Variants in BCKDHB observed in about 807,000 individuals in gnomAD.
BCKDHB encodes the protein branched chain keto acid dehydrogenase E1 subunit beta.
BCKDHB carries 41 observed loss-of-function variants against 48.5 expected under a neutral mutation model. The observed-to-expected ratio is 0.85, with a 90% CI of 0.66 to 1.10. The LOEUF (loss-of-function observed/expected upper bound fraction) is 1.10, where lower values mean the gene tolerates loss of function less well. Ranked by LOEUF, BCKDHB falls within the 50% of genes least tolerant of loss-of-function variation. BCKDHB has a pLI of 0.00. For missense variants in BCKDHB, 496 were observed against 494.2 expected (o/e 1.00, Z -0.03); for synonymous variants, 201 against 174.8 (o/e 1.15, Z -1.18).
chr6:80,149,186 A>T (rs542637433), intron 3 of BCKDHB, among the ~76,000 whole-genome samples: 128 of 152,080 alleles, frequency 8.4e-4, no homozygotes, highest in African/African-American at 2.9e-3. Flanking sequence ...TTCTCAAAAG[A>T]AGACATTTAT....
chr6:80,217,294 T>C (rs1775218514), intron 8 of BCKDHB, among the ~76,000 whole-genome samples: 1 of 152,132 alleles, frequency 6.6e-6, no homozygotes. Context: ...TTACCAGCCA[T>C]GAATAGTCAA....
intron 9 of BCKDHB, among the ~76,000 whole-genome samples, chr6:80,300,339 A>G (rs1187637084): frequency 6.6e-6 from 1 of 152,194 alleles, no homozygotes; most frequent in African/African-American, 2.4e-5. Context: ...GATGTGAACC[A>G]CCATACCTGG....
chr6:80,374,781 G>A, the BCKDHB span, among the ~76,000 whole-genome samples: 1 of 152,062 alleles, frequency 6.6e-6, no homozygotes, highest in African/African-American at 2.4e-5. Context: ...TTTATTTTGT[G>A]TATTTCAAAG....
Position 80,303,150 on chromosome 6 carries a change from G to A in BCKDHB, c.1038+29929G>A, listed in dbSNP as rs189815949. ...TGTATTGTATGGCTTCAGTTAGTTG[G>A]ATTTACGTAATCTTTTATTTTTTAA... On this transcript the variant is annotated intron_variant, in intron 9 of 9. Coordinates refer to ENST00000320393, the MANE Select transcript of BCKDHB (RefSeq NM_183050.4). 1.3e-3 allele frequency among the ~76,000 whole-genome samples: 195 copies of A among 152,008 alleles called. 1 individual carries two copies. Among genetic ancestry groups the A allele is most frequent in the Middle Eastern group, 3.4e-3 (1 of 294 alleles).
chr6:80,354,394 A>AT, the BCKDHB span, among the ~76,000 whole-genome samples: 2 of 151,872 alleles, frequency 1.3e-5, no homozygotes, highest in African/African-American at 4.8e-5. Flanking sequence ...TGCCCAGCTA[A>AT]TTTTTTTGTA....
chr6:80,268,863 T>C (rs1165743632), intron 8 of BCKDHB, among the ~76,000 whole-genome samples: 5 of 152,122 alleles, frequency 3.3e-5, no homozygotes. Context: ...AGCTCTCTTA[T>C]TACCACAAAT....
chr6:80,133,952 C>T (rs554847079), intron 3 of BCKDHB, among the ~76,000 whole-genome samples: 1 of 152,194 alleles, frequency 6.6e-6, no homozygotes, highest in South Asian at 2.1e-4. Flanking sequence ...GTCACACATG[C>T]TTTCATTCAT....
chr6:80,398,654 G>T, the BCKDHB span, among the ~76,000 whole-genome samples: 3 of 150,630 alleles, frequency 2.0e-5, no homozygotes, highest in African/African-American at 7.4e-5. Context: ...AATTCTACCA[G>T]ATGTACAACA....
intron 3 of BCKDHB, among the ~76,000 whole-genome samples, chr6:80,132,509 C>T (rs1025442691): frequency 6.6e-6 from 1 of 152,170 alleles, no homozygotes; most frequent in African/African-American, 2.4e-5. Context: ...TTAGGTTGGT[C>T]TGATTTTATT....
At chr6:80,163,573 A>C (rs1342280841) in intron 3 of BCKDHB, among the ~76,000 whole-genome samples, 1 of 152,090 alleles carries the variant, frequency 6.6e-6, no homozygotes, top group South Asian at 2.1e-4. Flanking sequence ...CCAGGCTACA[A>C]TCTTAGATCT....
chr6:80,373,278 G>A, the BCKDHB span, among the ~76,000 whole-genome samples: 1 of 152,018 alleles, frequency 6.6e-6, no homozygotes, highest in South Asian at 2.1e-4. Flanking sequence ...GTACTTCTGT[G>A]GTTTCGGTTG....
chr6:80,273,039 A>AT, intron 8 of BCKDHB, 96 bp from the exon 9 acceptor site: 1 of 887,664 alleles, frequency 1.1e-6, no homozygotes. Context: ...TATTTATTGA[A>AT]TGTATATAAT....
At chr6:80,362,650 A>G in the BCKDHB span, among the ~76,000 whole-genome samples, 7 of 152,282 alleles carry the variant, frequency 4.6e-5, no homozygotes, top group Admixed American at 3.3e-4. Flanking sequence ...TCTTGAGTAG[A>G]CTCACTCTGT....
the BCKDHB span, among the ~76,000 whole-genome samples, chr6:80,406,738 T>C: frequency 5.3e-5 from 8 of 152,228 alleles, no homozygotes; most frequent in Non-Finnish European, 8.8e-5. Flanking sequence ...TTAAGTTCTT[T>C]GTAGATTCTG....
the BCKDHB span, among the ~76,000 whole-genome samples, chr6:80,464,420 C>A: frequency 6.6e-6 from 1 of 152,078 alleles, no homozygotes; most frequent in African/African-American, 2.4e-5. Context: ...AGCCACTGCA[C>A]CCAGCCTCAT....
At chr6:80,440,821 T>C in the BCKDHB span, 1 of 152,148 alleles carries the variant, frequency 6.6e-6, no homozygotes, top group African/African-American at 2.4e-5. Flanking sequence ...TCCCAATCTT[T>C]CTTTAGGAGA....
the BCKDHB span, among the ~76,000 whole-genome samples, chr6:80,364,709 A>G: frequency 6.6e-6 from 1 of 152,128 alleles, no homozygotes; most frequent in Non-Finnish European, 1.5e-5. Flanking sequence ...GACTGTAAAA[A>G]CAGACTCATG....
In BCKDHB at chr6:80,254,782, G is replaced by T. The variant is rs546015750; in HGVS notation, c.952-18353G>T. ...GGAATGCCAGAAATCCCCAGAAACT[G>T]AGAGAATCATAGATGATTTCCCTCT... On this transcript the variant is annotated intron_variant, in intron 8 of 9. Transcript: ENST00000320393. Among the ~76,000 whole-genome samples, 5 of 152,276 alleles carry T rather than the reference G, an allele frequency of 3.3e-5. No individual in the cohort carries two copies. The South Asian group carries it at 1.0e-3, about 32-fold the overall frequency.
intron 8 of BCKDHB, among the ~76,000 whole-genome samples, chr6:80,248,323 A>T (rs1776697048): frequency 1.3e-5 from 2 of 152,102 alleles, no homozygotes; most frequent in South Asian, 4.1e-4. Flanking sequence ...TGAACATGGG[A>T]TATAGTTCCA....
Sources: gnomAD v4.1 joint callset for allele counts (sites outside exome capture counted in the v4.1 genomes callset) on GRCh38, gnomAD v4.1.1 for gene constraint, MANE v1.5 for transcripts, NCBI Gene and HGNC (gene_info 2026-07-23, HGNC 2026-07-21) for gene names.